The following LARGE1 variants were observed in gnomAD, a reference collection of about 807,000 sequenced individuals.
The protein encoded by LARGE1 is LARGE xylosyl- and glucuronyltransferase 1, also known as xylosyl- and glucuronyltransferase LARGE1.
A neutral mutation model predicts 87.6 loss-of-function variants in LARGE1; 43 were observed. The ratio of observed to expected loss-of-function variants is 0.49; its 90% CI spans 0.38 to 0.63. The LOEUF (loss-of-function observed/expected upper bound fraction) is 0.63, where lower values mean the gene tolerates loss of function less well. LARGE1 is among the 30% of genes least tolerant of loss of function. The pLI, the probability that LARGE1 is intolerant of heterozygous loss-of-function variation, is 0.00. For synonymous variants in LARGE1, 434 were observed against 394.6 expected (o/e 1.10, Z -1.18); for missense variants, 802 against 1,000.2 (o/e 0.80, Z 2.67).
rs560431249 is a variant in LARGE1, at chr22:33,467,018, G to A, written c.788-34753C>T. 2.0e-5 allele frequency among the ~76,000 whole-genome samples: 3 copies of A among 152,116 alleles called. No individual in the cohort carries two copies. In the South Asian group the frequency reaches 6.2e-4, roughly 32 times the overall value. On this transcript the variant is annotated intron_variant, in intron 6 of 14. Transcript: ENST00000397394. Reference sequence around the variant, plus strand: ...GATCGTGCCATTGTACTCCAGCCTGGGTAACAAGAGCAAAACTCTCTGAAA... The same window carrying A: ...GATCGTGCCATTGTACTCCAGCCTGAGTAACAAGAGCAAAACTCTCTGAAA...
intron 5 of LARGE1, among the ~76,000 whole-genome samples, chr22:33,593,162 T>G (rs2078890736): frequency 1.3e-5 from 2 of 150,612 alleles, no homozygotes; most frequent in Non-Finnish European, 3.0e-5. Flanking sequence ...TAAAATTTTT[T>G]TAAGTCTATT....
At chr22:33,904,527 T>G (rs2065379790) in intron 1 of LARGE1, among the ~76,000 whole-genome samples, 1 of 152,166 alleles carries the variant, frequency 6.6e-6, no homozygotes, top group African/African-American at 2.4e-5. Context: ...GCAAGTCAGA[T>G]GTGCACCCAG....
intron 11 of LARGE1, among the ~76,000 whole-genome samples, chr22:33,256,468 T>TTC (rs1324468402): frequency 1.3e-5 from 2 of 152,106 alleles, no homozygotes; most frequent in African/African-American, 4.8e-5. Flanking sequence ...GGCTTTACTT[T>TTC]TCTCATCTGT....
intron 11 of LARGE1, among the ~76,000 whole-genome samples, chr22:33,208,583 T>A (rs1602094803): frequency 6.6e-6 from 1 of 152,040 alleles, no homozygotes; most frequent in Admixed American, 6.5e-5. Context: ...ACTTTTTTTT[T>A]TTATTATACT....
intron 7 of LARGE1, among the ~76,000 whole-genome samples, chr22:33,405,691 T>C (rs976619006): frequency 6.6e-6 from 1 of 152,186 alleles, no homozygotes; most frequent in African/African-American, 2.4e-5. Context: ...TTTGAATAAA[T>C]GGTGTAACGA....
chr22:33,146,318 C>G, the LARGE1 span, among the ~76,000 whole-genome samples: 2 of 152,236 alleles, frequency 1.3e-5, no homozygotes, highest in East Asian at 1.9e-4. Context: ...ACCCAAAACC[C>G]ATTCTCCCTT....
intron 11 of LARGE1, among the ~76,000 whole-genome samples, chr22:33,308,382 C>G (rs1011085450): frequency 6.6e-6 from 1 of 152,200 alleles, no homozygotes; most frequent in African/African-American, 2.4e-5. Context: ...TGGGGTCAGA[C>G]AGGCCTGGAT....
At chr22:33,361,902 G>C (rs1300470437) in intron 9 of LARGE1, among the ~76,000 whole-genome samples, 3 of 149,006 alleles carry the variant, frequency 2.0e-5, no homozygotes, top group African/African-American at 7.4e-5. Flanking sequence ...CTCAGCTCTG[G>C]GACTCTAGAA....
At chr22:33,077,047 G>T in the LARGE1 span, among the ~76,000 whole-genome samples, 3 of 152,120 alleles carry the variant, frequency 2.0e-5, no homozygotes, top group Non-Finnish European at 4.4e-5. Flanking sequence ...TATCTCAAAA[G>T]GTTGCTATGA....
chr22:33,419,154 C>T (rs1425980696), intron 7 of LARGE1, among the ~76,000 whole-genome samples: 1 of 151,944 alleles, frequency 6.6e-6, no homozygotes, highest in African/African-American at 2.4e-5. Context: ...GAGAGAAGTC[C>T]AGTTGCAAGC....
chr22:33,886,750 G>T (rs2146800945), intron 1 of LARGE1, among the ~76,000 whole-genome samples: 1 of 150,084 alleles, frequency 6.7e-6, no homozygotes, highest in South Asian at 2.1e-4. Flanking sequence ...AAACATGTAA[G>T]ACATTAAAAT....
intron 6 of LARGE1, among the ~76,000 whole-genome samples, chr22:33,552,693 G>A (rs1355650054): frequency 1.3e-5 from 2 of 152,138 alleles, no homozygotes; most frequent in Non-Finnish European, 2.9e-5. Flanking sequence ...CATATTTTCT[G>A]GATTCTAAGA....
chr22:33,278,582 CA>C (rs1385773043), intron 13 of LARGE1, among the ~76,000 whole-genome samples: 3 of 152,030 alleles, frequency 2.0e-5, no homozygotes, highest in African/African-American at 7.3e-5. Flanking sequence ...CACACACACA[CA>C]CACACGCAGA....
At chr22:33,280,065 T>C (rs182284039) in intron 13 of LARGE1, among the ~76,000 whole-genome samples, 2 of 152,304 alleles carry the variant, frequency 1.3e-5, no homozygotes, top group African/African-American at 2.4e-5. Context: ...TGGCGCAGTA[T>C]TGACATCTAA....
chr22:33,808,310 G>C (rs1012717418), intron 1 of LARGE1, among the ~76,000 whole-genome samples: 11 of 152,254 alleles, frequency 7.2e-5, no homozygotes, highest in Non-Finnish European at 1.6e-4. Flanking sequence ...TCTTTGGGGA[G>C]GTATCTGTTA....
At chr22:33,806,864 G>T (rs779926325) in intron 1 of LARGE1, among the ~76,000 whole-genome samples, 1 of 152,148 alleles carries the variant, frequency 6.6e-6, no homozygotes, top group Non-Finnish European at 1.5e-5. Context: ...ACAAAAATTA[G>T]CTGGGCATGG....
chr22:33,406,679 T>C (rs1316394876), intron 7 of LARGE1, among the ~76,000 whole-genome samples: 2 of 152,346 alleles, frequency 1.3e-5, no homozygotes, highest in East Asian at 3.9e-4. Flanking sequence ...TGCCCAGGGC[T>C]GTGTGGTGGT....
intron 1 of LARGE1, among the ~76,000 whole-genome samples, chr22:33,770,127 A>G (rs1410573457): frequency 3.3e-5 from 5 of 152,238 alleles, no homozygotes; most frequent in South Asian, 4.1e-4. Context: ...GCAAGGTAGA[A>G]TGTCATAGAT....
intron 3 of LARGE1, among the ~76,000 whole-genome samples, chr22:33,634,475 C>A (rs976479420): frequency 6.6e-6 from 1 of 152,084 alleles, no homozygotes; most frequent in East Asian, 1.9e-4. Flanking sequence ...AGTACGAGGG[C>A]GTGCAAATAA....
Sources: allele counts gnomAD v4.1 joint callset (sites outside exome capture counted in the v4.1 genomes callset), GRCh38; gene constraint gnomAD v4.1.1; transcripts MANE v1.5; gene names NCBI Gene and HGNC (gene_info 2026-07-23, HGNC 2026-07-21).